TRIM9: variants seen among roughly 807,000 people sequenced by gnomAD.
TRIM9 encodes the protein E3 ubiquitin-protein ligase TRIM9.
In TRIM9, 26 loss-of-function variants were observed where a neutral mutation model predicts 78.3. The ratio of observed to expected loss-of-function variants is 0.33; its 90% CI spans 0.24 to 0.46. TRIM9 has a LOEUF of 0.46. TRIM9 is among the 20% of genes least tolerant of loss of function. The pLI is 1.00. For synonymous variants in TRIM9, 398 were observed against 416.5 expected (o/e 0.96, Z 0.54); for missense variants, 787 against 1,036.4 (o/e 0.76, Z 3.30).
rs80268329 is a variant in TRIM9 at position 51,069,482 on chromosome 14, C to A, written c.822+24636G>T. On this transcript the variant is annotated intron_variant, in intron 1 of 12. Coordinates refer to ENST00000684578, the MANE Select transcript of TRIM9 (RefSeq NM_001387360.1). ...GGTGGCTCCCTAGAACAAAGAATTG[C>A]CCATCCCCAAATGTCAACAGTGCTG... Among the ~76,000 whole-genome samples, 305 of 152,258 alleles carry A rather than the reference C, an allele frequency of 2.0e-3. 1 individual carries two copies. Among genetic ancestry groups the A allele is most frequent in the Middle Eastern group, 6.8e-3 (2 of 294 alleles).
chr14:50,993,865 A>C (rs943235539), intron 7 of TRIM9, among the ~76,000 whole-genome samples: 3 of 152,174 alleles, frequency 2.0e-5, no homozygotes, highest in Non-Finnish European at 4.4e-5. Context: ...TATTATACTT[A>C]ACCTCTCAGC....
At chr14:50,994,218 C>A (rs920502086) in intron 7 of TRIM9, among the ~76,000 whole-genome samples, 8 of 152,076 alleles carry the variant, frequency 5.3e-5, no homozygotes, top group Admixed American at 2.0e-4. Context: ...CAAACCTGGG[C>A]AACACAGCAA....
intron 1 of TRIM9, among the ~76,000 whole-genome samples, chr14:51,087,812 TA>T (rs2063909046): frequency 6.6e-6 from 1 of 152,206 alleles, no homozygotes; most frequent in African/African-American, 2.4e-5. Flanking sequence ...AAAGTATCTT[TA>T]AAACAATCTA....
chr14:51,092,354 G>T (rs963930142), intron 1 of TRIM9, among the ~76,000 whole-genome samples: 6 of 152,284 alleles, frequency 3.9e-5, no homozygotes, highest in Non-Finnish European at 8.8e-5. Flanking sequence ...CATTCAACCG[G>T]GTTAAGGAGT....
At chr14:50,996,508 G>A (rs564522162) in intron 7 of TRIM9, 13 of 985,190 alleles carry the variant, frequency 1.3e-5, no homozygotes, top group African/African-American at 1.7e-5. Context: ...TAGTTTTCCC[G>A]CAGATCTGAT....
chr14:51,069,575 G>C (rs1222927060), intron 1 of TRIM9, among the ~76,000 whole-genome samples: 1 of 152,212 alleles, frequency 6.6e-6, no homozygotes, highest in Non-Finnish European at 1.5e-5. Context: ...GACAAGCCAG[G>C]CATGGTGAAG....
intron 1 of TRIM9, among the ~76,000 whole-genome samples, chr14:51,042,039 T>C (rs1289805525): frequency 3.9e-5 from 6 of 152,222 alleles, no homozygotes; most frequent in Non-Finnish European, 8.8e-5. Context: ...AGCACAGGTC[T>C]GAGGGGGATG....
chr14:51,019,318 A>T (rs1383271165), intron 3 of TRIM9, among the ~76,000 whole-genome samples: 1 of 152,250 alleles, frequency 6.6e-6, no homozygotes, highest in Non-Finnish European at 1.5e-5. Flanking sequence ...GCTTTCTGAC[A>T]TTCGCATTAG....
chr14:50,978,817 A>G (rs1014695754), intron 12 of TRIM9: 6 of 837,564 alleles, frequency 7.2e-6, no homozygotes, highest in Non-Finnish European at 8.6e-6. Flanking sequence ...TGCCTGGCAC[A>G]TTAAAGGCAT....
At position 50,985,154 on chromosome 14, in the gene TRIM9, G is replaced by T. The variant is rs79111312; in HGVS notation, c.1792+802C>A. ...TCTTATATATTTTAACATTCTATTT[G>T]CTAGGCAGTGTTCGCTACAAAGGAA... On this transcript the variant is annotated intron_variant, in intron 8 of 12. Coordinates refer to ENST00000684578, the MANE Select transcript of TRIM9 (RefSeq NM_001387360.1). Among the ~76,000 whole-genome samples, 55 of 152,318 alleles carry T rather than the reference G, an allele frequency of 3.6e-4. No individual in the cohort carries two copies. In the East Asian group the frequency reaches 0.01, roughly 28 times the overall value.
rs368933566 is a variant in TRIM9 at position 51,090,048 on chromosome 14, T to C, written c.822+4070A>G. On this transcript the variant is annotated intron_variant, in intron 1 of 12. Transcript: ENST00000684578. ...GTTTCCTGCAAGTAAGTGGCAGCAT[T>C]GGTTCTATAACCTGGATCTCCTGTT... The C allele has an allele frequency of 9.2e-5, 14 of 152,374 alleles. No homozygotes were observed. The South Asian group carries it at 2.3e-3, about 25-fold the overall frequency. The allele number at this position is 152,374 out of a possible 1,614,324, so 9.4% of individuals were successfully genotyped here. A position where few individuals can be genotyped will look rare whatever the true frequency, so the allele number is the denominator to read the frequency against.
At chr14:51,068,391 T>C (rs912067170) in intron 1 of TRIM9, among the ~76,000 whole-genome samples, 1 of 152,174 alleles carries the variant, frequency 6.6e-6, no homozygotes, top group East Asian at 1.9e-4. Flanking sequence ...AAGTGTCAAG[T>C]AGGCAGCACA....
chr14:50,978,291 A>G (rs1326325550), intron 12 of TRIM9, among the ~76,000 whole-genome samples: 1 of 152,200 alleles, frequency 6.6e-6, no homozygotes, highest in Non-Finnish European at 1.5e-5. Context: ...TCTCAAGACA[A>G]CCATTTGTGG....
chr14:51,053,159 C>CAA (rs34525509), intron 1 of TRIM9, among the ~76,000 whole-genome samples: 5,902 of 133,470 alleles, frequency 0.044, 165 homozygotes, highest in Non-Finnish European at 0.062. Flanking sequence ...GACCCTGTTT[C>CAA]AAAAAAAAAA....
At chr14:50,985,891 A>C in intron 8 of TRIM9, 65 bp downstream of exon 8, 1 of 1,323,110 alleles carries the variant, frequency 7.6e-7, no homozygotes, top group Non-Finnish European at 9.9e-7. Flanking sequence ...AGAACAAGAC[A>C]CGCGTTTCAG....
intron 3 of TRIM9, among the ~76,000 whole-genome samples, chr14:51,017,486 C>T (rs184029094): frequency 6.6e-6 from 1 of 152,272 alleles, no homozygotes; most frequent in East Asian, 1.9e-4. Flanking sequence ...AAAGCATGCT[C>T]TTAATGTATA....
At position 51,094,706 on chromosome 14, in the gene TRIM9, A is replaced by G. The variant is rs771547814; in HGVS notation, c.234T>C (p.Tyr78=). The change falls in exon 1 of 13, where the codon TAT becomes TAC. Residue 78 remains tyrosine, a synonymous_variant. Coordinates refer to ENST00000684578, the MANE Select transcript of TRIM9 (RefSeq NM_001387360.1). ...CGCTGGCGAACCCCCCGTAGGAGCC[A>G]TAGCCGCTGTCCGCCTCGCTGTATA... ...MSLYSEADSG[Y]GSYGGFASAP... 1.3e-6 allele frequency: 2 copies of G among 1,561,534 alleles called. No homozygotes were observed. Among genetic ancestry groups the G allele is most frequent in the East Asian group, 2.3e-5 (1 of 44,400 alleles).
intron 1 of TRIM9, among the ~76,000 whole-genome samples, chr14:51,028,432 A>G (rs1172696763): frequency 6.6e-6 from 1 of 152,236 alleles, no homozygotes; most frequent in Non-Finnish European, 1.5e-5. Context: ...TATAAGCTCC[A>G]TCTGATGTAG....
intron 1 of TRIM9, among the ~76,000 whole-genome samples, chr14:51,033,711 G>A (rs1161099582): frequency 6.6e-6 from 1 of 152,126 alleles, no homozygotes; most frequent in South Asian, 2.1e-4. Context: ...GTGGTGTGCT[G>A]ATAAACCAGC....
Sources: gnomAD v4.1 joint callset for allele counts (sites outside exome capture counted in the v4.1 genomes callset) on GRCh38, gnomAD v4.1.1 for gene constraint, MANE v1.5 for transcripts, NCBI Gene and HGNC (gene_info 2026-07-23, HGNC 2026-07-21) for gene names.